Variants in RAPGEF2 observed in about 807,000 individuals in gnomAD.
RAPGEF2 encodes the protein Rap guanine nucleotide exchange factor 2.
Under a neutral mutation model 186.7 loss-of-function variants are expected in RAPGEF2, and 54 were observed. The ratio of observed to expected loss-of-function variants is 0.29; its 90% confidence interval spans 0.23 to 0.36. The LOEUF is 0.36. Among genes scored for constraint, RAPGEF2 ranks in the 10% least tolerant of loss-of-function variants. The pLI, the probability that RAPGEF2 is intolerant of heterozygous loss-of-function variation, is 1.00. For synonymous variants in RAPGEF2, 712 were observed against 705.9 expected, an observed-to-expected ratio of 1.01 and a Z score of -0.14; for missense variants, 1,532 against 2,045.0, an observed-to-expected ratio of 0.75 and a Z score of 4.84.
rs187428084 is a variant in RAPGEF2, at chr4:159,281,473, C to T, written c.544-22869C>T. Among the ~76,000 whole-genome samples, 1,373 of 151,342 alleles carry T rather than the reference C, an allele frequency of 9.1e-3. 18 individuals are homozygous for T. Among genetic ancestry groups the T allele is most frequent in the African/African-American group, 0.031 (1,278 of 41,284 alleles). On this transcript the variant is annotated intron_variant, in intron 7 of 29. Coordinates refer to ENST00000691494, the MANE Select transcript of RAPGEF2 (RefSeq NM_001394067.2). ...CACCTGAAGATCAGGAGTTCAAGAC[C>T]AGCCTGGCCAACATGGTGAAACCCC...
chr4:159,316,607 TG>T (rs770060980), intron 9 of RAPGEF2, among the ~76,000 whole-genome samples: 9 of 152,228 alleles, frequency 5.9e-5, no homozygotes, highest in Non-Finnish European at 1.2e-4. Flanking sequence ...CTAAGGATAA[TG>T]GCCTCCAACT....
intron 7 of RAPGEF2, among the ~76,000 whole-genome samples, chr4:159,303,986 A>G (rs1379011470): frequency 6.6e-6 from 1 of 152,124 alleles, no homozygotes; most frequent in Non-Finnish European, 1.5e-5. Context: ...TTTTGCCACA[A>G]AGTTACATTT....
rs1024020249 is a variant in RAPGEF2, at chr4:159,331,427, T to C, written c.1468-4T>C. ...AAACTTATTGAAAATAATTGACTTT[T>C]CAGGTTACACGGGTAGTATTATTGT... On this transcript the variant is annotated splice_polypyrimidine_tract_variant and splice_region_variant and intron_variant, in intron 13 of 29. Coordinates refer to ENST00000691494, the MANE Select transcript of RAPGEF2 (RefSeq NM_001394067.2). 13 of 1,558,962 alleles carry C rather than the reference T, an allele frequency of 8.3e-6. No individual in the cohort carries two copies. The Middle Eastern group carries it at 5.1e-4, about 61-fold the overall frequency.
intron 3 of RAPGEF2, among the ~76,000 whole-genome samples, chr4:159,201,452 C>T (rs1177240425): frequency 6.6e-6 from 1 of 152,142 alleles, no homozygotes; most frequent in African/African-American, 2.4e-5. Flanking sequence ...CCCAAGGGCT[C>T]TTGACATTGA....
intron 4 of RAPGEF2, among the ~76,000 whole-genome samples, chr4:159,224,059 C>T (rs1028762267): frequency 2.6e-5 from 4 of 152,030 alleles, no homozygotes; most frequent in South Asian, 4.1e-4. Context: ...CCACCACTCC[C>T]GACTAATTTT....
At chr4:159,288,221 G>A (rs1234961782) in intron 7 of RAPGEF2, among the ~76,000 whole-genome samples, 1 of 152,134 alleles carries the variant, frequency 6.6e-6, no homozygotes, top group African/African-American at 2.4e-5. Flanking sequence ...TATTTCATAA[G>A]TTACCACTGC....
intron 7 of RAPGEF2, among the ~76,000 whole-genome samples, chr4:159,293,090 T>A (rs1426486738): frequency 6.6e-6 from 1 of 152,214 alleles, no homozygotes; most frequent in African/African-American, 2.4e-5. Flanking sequence ...ATGAAAATGT[T>A]ATATACAAAA....
At chr4:159,120,246 C>T (rs1437097274) in intron 1 of RAPGEF2, among the ~76,000 whole-genome samples, 1 of 152,198 alleles carries the variant, frequency 6.6e-6, no homozygotes, top group African/African-American at 2.4e-5. Flanking sequence ...TCTTGAACTC[C>T]TGGCCTCACG....
At chr4:159,300,902 C>T (rs1245101170) in intron 7 of RAPGEF2, among the ~76,000 whole-genome samples, 1 of 152,160 alleles carries the variant, frequency 6.6e-6, no homozygotes, top group Non-Finnish European at 1.5e-5. Flanking sequence ...CTCTCAACCC[C>T]TACATGGTTT....
At chr4:159,112,398 G>T (rs962017580) in intron 1 of RAPGEF2, among the ~76,000 whole-genome samples, 1 of 151,882 alleles carries the variant, frequency 6.6e-6, no homozygotes, top group African/African-American at 2.4e-5. Context: ...TTGTCATAAT[G>T]GAAGTAGTAA....
rs58593781 is a variant in RAPGEF2 at position 159,237,842 on chromosome 4, T to TAAA, written c.282-940_282-938dup. ...AGCTAGACTTTGTCTCTACAAAAAT[T>TAAA]AAAAAAAAAAAAAAAAAAAAAAAAA... is the stretch of plus-strand genomic sequence containing the variant. On this transcript the variant is annotated intron_variant, in intron 4 of 29. Coordinates refer to ENST00000691494, the MANE Select transcript of RAPGEF2 (RefSeq NM_001394067.2). 2.0e-3 allele frequency among the ~76,000 whole-genome samples: 133 copies of TAAA among 66,918 alleles called. 8 individuals are homozygous for TAAA. Among genetic ancestry groups the TAAA allele is most frequent in the African/African-American group, 6.3e-3 (114 of 18,228 alleles). 43.9% of individuals were successfully genotyped at this position (66,918 alleles called of 152,430 possible). A position where few individuals can be genotyped will look rare whatever the true frequency, so the allele number is the denominator to read the frequency against.
chr4:159,103,252 T>TTCCCCCTCC lies in RAPGEF2; in HGVS notation c.-907_-899dup, dbSNP rs1160482348. 1.3e-5 allele frequency: 2 copies of TTCCCCCTCC among 151,930 alleles called. No homozygotes were observed. The highest frequency in any genetic ancestry group is 3.9e-4 in the East Asian group (2 of 5,142). 9.4% of individuals were successfully genotyped at this position (151,930 alleles called of 1,614,324 possible). ...AACCCGGGCTGTCCGCGGCCCCCTCTTCCCCCTCCTCCGCCCCGCGCAGAC... is the reference window on the plus strand; with the variant it reads ...AACCCGGGCTGTCCGCGGCCCCCTCTTCCCCCTCCTCCCCCTCCTCCGCCCCGCGCAGAC... On this transcript the variant is annotated 5_prime_UTR_variant, in exon 1 of 30. Transcript: ENST00000691494.
At chr4:159,139,168 G>T (rs1330518087) in intron 1 of RAPGEF2, among the ~76,000 whole-genome samples, 1 of 152,184 alleles carries the variant, frequency 6.6e-6, no homozygotes, top group Non-Finnish European at 1.5e-5. Flanking sequence ...AGTACTTTGG[G>T]ATGCAGAGAT....
At chr4:159,178,281 C>T (rs1055886874) in intron 1 of RAPGEF2, among the ~76,000 whole-genome samples, 1 of 152,036 alleles carries the variant, frequency 6.6e-6, no homozygotes, top group Non-Finnish European at 1.5e-5. Context: ...AGGGATTGCA[C>T]CAGCATATGG....
chr4:159,120,114 G>C (rs1321941600), intron 1 of RAPGEF2, among the ~76,000 whole-genome samples: 1 of 152,098 alleles, frequency 6.6e-6, no homozygotes, highest in Non-Finnish European at 1.5e-5. Flanking sequence ...CTGCCTCCTG[G>C]GTTCAGGCAA....
rs1731885271 is a variant in RAPGEF2 at position 159,355,740 on chromosome 4, A to T, written c.4652-113A>T. 10 of 1,035,110 alleles carry T rather than the reference A, an allele frequency of 9.7e-6. No homozygotes were observed. The South Asian group carries it at 1.5e-4, about 16-fold the overall frequency. 64.1% of individuals were successfully genotyped at this position (1,035,110 alleles called of 1,614,324 possible). On this transcript the variant is annotated intron_variant, in intron 28 of 29. Coordinates refer to ENST00000691494, the MANE Select transcript of RAPGEF2 (RefSeq NM_001394067.2). ...CGCACCTCTAACCGATACCATGCAA[A>T]TGCACATCTGCTGCTACACTGTGGA...
At chr4:159,145,054 A>G (rs751694996) in intron 1 of RAPGEF2, among the ~76,000 whole-genome samples, 3 of 151,762 alleles carry the variant, frequency 2.0e-5, no homozygotes, top group Non-Finnish European at 2.9e-5. Context: ...ACACCTGGGT[A>G]GTTTTTGGTA....
At chr4:159,219,033 A>G (rs1258109677) in intron 4 of RAPGEF2, among the ~76,000 whole-genome samples, 2 of 152,210 alleles carry the variant, frequency 1.3e-5, no homozygotes, top group Middle Eastern at 3.2e-3. Flanking sequence ...ATATATGTAT[A>G]ACTGAATCTA....
Position 159,355,896 on chromosome 4 carries a change from C to CCCCCAAAAAG in RAPGEF2, c.4695_4696insCCCCAAAAAG (p.Gly1566ProfsTer12). The CCCCCAAAAAG allele has an allele frequency of 6.4e-7, 1 of 1,555,934 alleles. No homozygotes were observed. The highest frequency in any genetic ancestry group is 8.7e-7 in the Non-Finnish European group (1 of 1,149,432). ...ATCGAGAGCCCCCGCCCACCCCTCC[C>CCCCCAAAAAG]GGCTACATTGGAATTCCCATTACTG... On this transcript the variant is annotated frameshift_variant, in exon 29 of 30. Coordinates refer to ENST00000691494, the MANE Select transcript of RAPGEF2 (RefSeq NM_001394067.2). LOFTEE classifies it high-confidence loss of function.
Sources: allele counts gnomAD v4.1 joint callset (sites outside exome capture counted in the v4.1 genomes callset), GRCh38; gene constraint gnomAD v4.1.1; transcripts MANE v1.5; gene names NCBI Gene and HGNC (gene_info 2026-07-23, HGNC 2026-07-21).